Variants in SLC14A2 observed in about 807,000 individuals in gnomAD.
SLC14A2 encodes the protein solute carrier family 14 member 2.
Under a neutral mutation model 104.6 loss-of-function variants are expected in SLC14A2, and 91 were observed. The ratio of observed to expected loss-of-function variants is 0.87; its 90% CI spans 0.73 to 1.04. SLC14A2 has a LOEUF of 1.04. Ranked by LOEUF, SLC14A2 falls within the 50% of genes least tolerant of loss-of-function variation. The pLI is 0.00. For missense variants in SLC14A2, 1,189 were observed against 1,156.0 expected, an observed-to-expected ratio of 1.03 and a Z score of -0.41; for synonymous variants, 476 against 466.4, an observed-to-expected ratio of 1.02 and a Z score of -0.27.
chr18:45,231,516 G>T (rs989464025), intron 1 of SLC14A2, among the ~76,000 whole-genome samples: 5 of 152,098 alleles, frequency 3.3e-5, no homozygotes, highest in Non-Finnish European at 7.4e-5. Context: ...TCCCATTATG[G>T]TATCTTGATG....
At chr18:45,410,711 T>C (rs1011935983) in intron 1 of SLC14A2, among the ~76,000 whole-genome samples, 11 of 152,262 alleles carry the variant, frequency 7.2e-5, no homozygotes, top group African/African-American at 2.2e-4. Flanking sequence ...AAATCAATAA[T>C]CCAGTGTTTC....
At chr18:45,307,676 A>C (rs1404348202) in intron 1 of SLC14A2, among the ~76,000 whole-genome samples, 5 of 152,216 alleles carry the variant, frequency 3.3e-5, no homozygotes, top group Non-Finnish European at 7.4e-5. Context: ...TTTCTGTAAA[A>C]AACCTATCCT....
At chr18:45,460,385 A>G (rs1212357446) in intron 1 of SLC14A2, among the ~76,000 whole-genome samples, 1 of 152,114 alleles carries the variant, frequency 6.6e-6, no homozygotes, top group Non-Finnish European at 1.5e-5. Flanking sequence ...CCACATGTAC[A>G]CACTAGGGCT....
chr18:45,365,281 T>C (rs2085655400), intron 1 of SLC14A2, among the ~76,000 whole-genome samples: 1 of 152,240 alleles, frequency 6.6e-6, no homozygotes, highest in Non-Finnish European at 1.5e-5. Flanking sequence ...CATTCCTCCA[T>C]AGTAATCTTT....
At chr18:45,380,004 T>C (rs997702182) in intron 1 of SLC14A2, among the ~76,000 whole-genome samples, 13 of 152,302 alleles carry the variant, frequency 8.5e-5, no homozygotes, top group East Asian at 3.9e-4. Context: ...TGGAATCATA[T>C]GATTTGAAAA....
At chr18:45,359,524 T>G (rs2085589670) in intron 1 of SLC14A2, among the ~76,000 whole-genome samples, 1 of 152,204 alleles carries the variant, frequency 6.6e-6, no homozygotes. Flanking sequence ...GGCACACCTC[T>G]GTGATCAGGT....
intron 2 of SLC14A2, among the ~76,000 whole-genome samples, chr18:45,577,460 C>T (rs2044432240): frequency 6.6e-6 from 1 of 152,184 alleles, no homozygotes; most frequent in African/African-American, 2.4e-5. Context: ...AGAAGCATCA[C>T]ATAATTTGTG....
At chr18:45,428,431 CA>C (rs1264824512) in intron 1 of SLC14A2, among the ~76,000 whole-genome samples, 1 of 151,984 alleles carries the variant, frequency 6.6e-6, no homozygotes, top group African/African-American at 2.4e-5. Context: ...AGGATTGTAA[CA>C]AAAAAACACT....
In SLC14A2 at chr18:45,235,835, G is replaced by GTA. The variant is rs144101578; in HGVS notation, c.-125+22654_-125+22655dup. The stretch of plus-strand genomic sequence containing the variant: ...TGTGTATATATATATATATATACGT[G>GTA]TATATATATATGTATATATACATAT... On this transcript the variant is annotated intron_variant, in intron 1 of 20. Coordinates refer to the SLC14A2 transcript ENST00000586448. Among the ~76,000 whole-genome samples, 276 of 97,328 alleles carry GTA rather than the reference G, an allele frequency of 2.8e-3. 47 individuals are homozygous for GTA. Among genetic ancestry groups the GTA allele is most frequent in the African/African-American group, 0.01 (228 of 21,920 alleles). The allele number at this position is 97,328 out of a possible 152,430, so 63.9% of individuals were successfully genotyped here.
the SLC14A2 span, among the ~76,000 whole-genome samples, chr18:45,203,060 A>C: frequency 1.3e-5 from 2 of 152,168 alleles, no homozygotes; most frequent in Non-Finnish European, 1.5e-5. Context: ...CCAATGGCAA[A>C]ATAATCAGGT....
chr18:45,339,365 A>T (rs2085370338), intron 1 of SLC14A2, among the ~76,000 whole-genome samples: 1 of 152,218 alleles, frequency 6.6e-6, no homozygotes. Context: ...AACATCTGTT[A>T]TTCTAATTAA....
the SLC14A2 span, among the ~76,000 whole-genome samples, chr18:45,199,265 G>T: frequency 1.2e-4 from 18 of 151,972 alleles, no homozygotes; most frequent in African/African-American, 4.3e-4. Context: ...TAATCTGAAG[G>T]CTCCTGTGTC....
intron 1 of SLC14A2, among the ~76,000 whole-genome samples, chr18:45,375,836 G>A (rs997606229): frequency 1.3e-5 from 2 of 152,132 alleles, no homozygotes; most frequent in African/African-American, 4.8e-5. Flanking sequence ...ATCCTAGGTA[G>A]CCTCACCACT....
At chr18:45,321,000 T>A (rs2085179622) in intron 1 of SLC14A2, among the ~76,000 whole-genome samples, 1 of 152,238 alleles carries the variant, frequency 6.6e-6, no homozygotes, top group Non-Finnish European at 1.5e-5. Flanking sequence ...AACAAGACAT[T>A]GAACCAGGGT....
intron 1 of SLC14A2, among the ~76,000 whole-genome samples, chr18:45,276,911 G>C (rs922342981): frequency 6.6e-6 from 1 of 152,160 alleles, no homozygotes. Flanking sequence ...TGTCTTCTCT[G>C]GTAGACTTAA....
rs942829351 is a variant in SLC14A2 at position 45,366,249 on chromosome 18, A to G, written c.-124-116984A>G. On this transcript the variant is annotated intron_variant, in intron 1 of 20. Transcript: ENST00000586448. Reference sequence around the variant, plus strand: ...GCTAGCCACAGCTGTCACCACGATCACACCATCCTTCCTGGGCTCAATCCC... The same window carrying G: ...GCTAGCCACAGCTGTCACCACGATCGCACCATCCTTCCTGGGCTCAATCCC... Among the ~76,000 whole-genome samples, 4 of 152,226 alleles carry G rather than the reference A, an allele frequency of 2.6e-5. No homozygotes were observed. The South Asian group carries it at 8.3e-4, about 32-fold the overall frequency.
the SLC14A2 span, among the ~76,000 whole-genome samples, chr18:45,200,508 C>A: frequency 6.6e-6 from 1 of 152,158 alleles, no homozygotes; most frequent in African/African-American, 2.4e-5. Context: ...TAAGTAATGT[C>A]AATATTTTCA....
intron 1 of SLC14A2, among the ~76,000 whole-genome samples, chr18:45,296,702 A>G (rs1040495987): frequency 5.9e-5 from 9 of 152,168 alleles, no homozygotes; most frequent in African/African-American, 2.2e-4. Context: ...GATAGTCCCT[A>G]GGCTCTGTTT....
chr18:45,314,818 C>G (rs2085112894), intron 1 of SLC14A2, among the ~76,000 whole-genome samples: 1 of 152,184 alleles, frequency 6.6e-6, no homozygotes, highest in South Asian at 2.1e-4. Context: ...AGCTAAGGAG[C>G]ATTTACTGCA....
Sources: allele counts gnomAD v4.1 joint callset (sites outside exome capture counted in the v4.1 genomes callset), GRCh38; gene constraint gnomAD v4.1.1; transcripts MANE v1.5; gene names NCBI Gene and HGNC (gene_info 2026-07-23, HGNC 2026-07-21).